The following KIR3DL2 variants were observed in gnomAD, a reference collection of about 807,000 sequenced individuals.
KIR3DL2 encodes the protein killer cell immunoglobulin like receptor, three Ig domains and long cytoplasmic tail 2.
A neutral mutation model predicts 41.6 loss-of-function variants in KIR3DL2; 42 were observed. The ratio of observed to expected loss-of-function variants is 1.01; its 90% CI spans 0.79 to 1.31. The LOEUF (loss-of-function observed/expected upper bound fraction) is 1.31. KIR3DL2 is among the 50% of genes most tolerant of loss of function. The pLI is 0.00. For missense variants in KIR3DL2, 728 were observed against 576.8 expected, an observed-to-expected ratio of 1.26 and a Z score of -2.68; for synonymous variants, 230 against 221.3, an observed-to-expected ratio of 1.04 and a Z score of -0.35.
rs747855771 is a variant in KIR3DL2 at position 54,866,427 on chromosome 19, GTCC to G, written c.1158+11_1158+13del. 2 of 1,613,978 alleles carry G rather than the reference GTCC, an allele frequency of 1.2e-6. No individual in the cohort carries two copies. The highest frequency in any genetic ancestry group is 8.5e-7 in the Non-Finnish European group (1 of 1,179,970). ...GACAGAACAGTGAATAGGCAGGTAG[GTCC>G]TCCTCGGCCCAGCCTCACGGATACA... is the stretch of plus-strand genomic sequence containing the variant. On this transcript the variant is annotated splice_donor_region_variant and intron_variant, in intron 8 of 8. Transcript: ENST00000326321.
chr19:54,856,350 A>C lies in KIR3DL2; in HGVS notation c.949+438A>C, dbSNP rs1225646316. ...TTAAATGTAACTATATAATTTACCA[A>C]CTTTACCATTTTTAAAAGTAAAATC... On this transcript the variant is annotated intron_variant, in intron 5 of 8. Coordinates refer to ENST00000326321, the MANE Select transcript of KIR3DL2 (RefSeq NM_006737.4). Among the ~76,000 whole-genome samples, 271 of 150,890 alleles carry C rather than the reference A, an allele frequency of 1.8e-3. 10 individuals are homozygous for C. Among genetic ancestry groups the C allele is most frequent in the African/African-American group, 4.9e-3 (201 of 40,950 alleles).
chr19:54,856,046 G>A (rs1342530142), intron 5 of KIR3DL2, 134 bp downstream of exon 5: 13 of 1,168,016 alleles, frequency 1.1e-5, no homozygotes, highest in Non-Finnish European at 1.5e-5. Context: ...GGGGGTCAGG[G>A]TGCAGGATGG....
Position 54,854,052 on chromosome 19 carries a change from A to T in KIR3DL2, c.655+6A>T, listed in dbSNP as rs1601748722. Reference sequence around the variant, plus strand: ...CCTGGACATCGTGATCACAGGTGAGAGTGTCCAGACATTCTTCTCATTGTC... The same window carrying T: ...CCTGGACATCGTGATCACAGGTGAGTGTGTCCAGACATTCTTCTCATTGTC... On this transcript the variant is annotated splice_donor_region_variant and intron_variant, in intron 4 of 8. Coordinates refer to ENST00000326321, the MANE Select transcript of KIR3DL2 (RefSeq NM_006737.4). 5.0e-6 allele frequency: 8 copies of T among 1,612,112 alleles called. No individual in the cohort carries two copies. The South Asian group carries it at 7.7e-5, about 15-fold the overall frequency.
chr19:54,857,171 C>A (rs2064849734), intron 5 of KIR3DL2, among the ~76,000 whole-genome samples: 1 of 151,334 alleles, frequency 6.6e-6, no homozygotes, highest in South Asian at 2.1e-4. Context: ...CTCATTGCAA[C>A]CTCTGCTTCC....
intron 5 of KIR3DL2, among the ~76,000 whole-genome samples, chr19:54,858,142 G>C (rs942643766): frequency 6.6e-6 from 1 of 151,322 alleles, no homozygotes; most frequent in Non-Finnish European, 1.5e-5. Flanking sequence ...TGCAGAAGTT[G>C]CTTGGTTTGA....
chr19:54,865,936 G>T (rs2065479948), intron 7 of KIR3DL2, 27 bp downstream of exon 7: 1 of 1,588,060 alleles, frequency 6.3e-7, no homozygotes, highest in Non-Finnish European at 8.6e-7. Flanking sequence ...AGAGGCCAGA[G>T]AGCTCAGGGC....
chr19:54,861,518 G>A (rs1474414875), intron 6 of KIR3DL2, among the ~76,000 whole-genome samples: 2 of 149,448 alleles, frequency 1.3e-5, no homozygotes, highest in African/African-American at 4.9e-5. Context: ...TGATGGTGGT[G>A]CATGACTGTA....
At position 54,852,257 on chromosome 19, in the gene KIR3DL2, C is replaced by G; in HGVS notation, c.330C>G (p.Ser110Arg). The change falls in exon 3 of 9, where the codon AGC becomes AGG. Residue 110 changes from serine to arginine, a missense_variant. By Grantham distance (110) the Ser-to-Arg change is moderately radical. Coordinates refer to ENST00000326321, the MANE Select transcript of KIR3DL2 (RefSeq NM_006737.4). ...CCCTCACTGGGTGGTCGGCACCCAG[C>G]AACCCCCTGGTGATCATGGTCACAG... Reference protein sequence around the residue: ...PHSLTGWSAPSNPLVIMVTGN... With the variant: ...PHSLTGWSAPRNPLVIMVTGN... 4 of 1,609,308 alleles carry G rather than the reference C, an allele frequency of 2.5e-6. No individual in the cohort carries two copies. The highest frequency in any genetic ancestry group is 3.4e-6 in the Non-Finnish European group (4 of 1,177,686).
chr19:54,862,885 A>T (rs191027714), intron 6 of KIR3DL2, among the ~76,000 whole-genome samples: 2,849 of 111,064 alleles, frequency 0.026, 91 homozygotes, highest in African/African-American at 0.093. Context: ...TTTAAGTTTT[A>T]GGGTACATGT....
rs2064682626 is a variant in KIR3DL2 at position 54,855,601 on chromosome 19, T to C, written c.656-18T>C. The C allele has an allele frequency of 6.2e-7, 1 of 1,608,222 alleles. No homozygotes were observed. Among genetic ancestry groups the C allele is most frequent in the East Asian group, 2.2e-5 (1 of 44,864 alleles). On this transcript the variant is annotated intron_variant, in intron 4 of 8. Transcript: ENST00000326321. ...CAAGGAAGAACCTCCCTGAGGAAAC[T>C]GCCTCTTCTCCTTCCAGGTCTATAT...
At chr19:54,855,948 T>C in intron 5 of KIR3DL2, 36 bp downstream of exon 5, 1 of 1,608,402 alleles carries the variant, frequency 6.2e-7, no homozygotes, top group Non-Finnish European at 8.5e-7. Flanking sequence ...TGTCTTATGA[T>C]CCTAGAGCCA....
intron 7 of KIR3DL2, 29 bp from the exon 8 acceptor site, chr19:54,866,341 G>C (rs373462905): frequency 5.6e-6 from 9 of 1,613,652 alleles, no homozygotes; most frequent in Non-Finnish European, 7.6e-6. Flanking sequence ...GGCCCTCCAA[G>C]CGGTTTTGAT....
intron 7 of KIR3DL2, 36 bp downstream of exon 7, chr19:54,865,945 G>A (rs775850447): frequency 1.9e-6 from 3 of 1,572,298 alleles, no homozygotes; most frequent in Admixed American, 1.7e-5. Context: ...AGAGCTCAGG[G>A]CCATGTGGGG....
At chr19:54,852,327 A>G in intron 3 of KIR3DL2, 45 bp downstream of exon 3, 16 of 1,588,032 alleles carry the variant, frequency 1.0e-5, no homozygotes, top group Non-Finnish European at 1.3e-5. Flanking sequence ...CACCTCCTGA[A>G]TCCCAGAGCT....
intron 6 of KIR3DL2, among the ~76,000 whole-genome samples, chr19:54,859,577 A>G (rs1453955143): frequency 6.6e-6 from 1 of 151,908 alleles, no homozygotes; most frequent in Non-Finnish European, 1.5e-5. Context: ...TTGCCGTAAC[A>G]GAGAACAGAG....
In KIR3DL2 at chr19:54,866,833, A is replaced by T; in HGVS notation, c.*102A>T. On this transcript the variant is annotated 3_prime_UTR_variant, in exon 9 of 9. Coordinates refer to ENST00000326321, the MANE Select transcript of KIR3DL2 (RefSeq NM_006737.4). ...GCATCTTAGGGGATCGCTCTTCCTC[A>T]CACCACGAATCTGAACATGCCTCTC... The T allele has an allele frequency of 1.6e-6, 2 of 1,284,060 alleles. No individual in the cohort carries two copies. Among genetic ancestry groups the T allele is most frequent in the East Asian group, 2.3e-5 (1 of 43,188 alleles). The allele number at this position is 1,284,060 out of a possible 1,614,324, so 79.5% of individuals were successfully genotyped here.
At chr19:54,854,083 G>A in intron 4 of KIR3DL2, 37 bp downstream of exon 4, 1 of 1,607,298 alleles carries the variant, frequency 6.2e-7, no homozygotes, top group Non-Finnish European at 8.5e-7. Flanking sequence ...TTGTCATTGG[G>A]ACACAGAGTG....
chr19:54,856,613 G>A (rs1209783181), intron 5 of KIR3DL2, among the ~76,000 whole-genome samples: 4 of 152,042 alleles, frequency 2.6e-5, no homozygotes, highest in African/African-American at 9.7e-5. Context: ...AAAGCCAGGA[G>A]GCAGAGGTTG....
At chr19:54,859,571 C>T (rs371300763) in intron 6 of KIR3DL2, among the ~76,000 whole-genome samples, 1 of 151,238 alleles carries the variant, frequency 6.6e-6, no homozygotes, top group Non-Finnish European at 1.5e-5. Context: ...AGAGCCTTGC[C>T]GTAACAGAGA....
Sources: allele counts gnomAD v4.1 joint callset (sites outside exome capture counted in the v4.1 genomes callset), GRCh38; gene constraint gnomAD v4.1.1; transcripts MANE v1.5; gene names NCBI Gene and HGNC (gene_info 2026-07-23, HGNC 2026-07-21).